Variants in TUBGCP5 observed in about 807,000 individuals in gnomAD.
TUBGCP5 encodes tubulin gamma complex component 5, also known as gamma-tubulin complex component 5.
TUBGCP5 carries 98 observed loss-of-function variants against 134.7 expected under a neutral mutation model. That is an observed-to-expected ratio of 0.73 (90% CI 0.62 to 0.86). The LOEUF (loss-of-function observed/expected upper bound fraction) is 0.86. TUBGCP5 is among the 40% of genes least tolerant of loss of function. The probability of loss-of-function intolerance (pLI) is 0.00; values close to 1 mark genes in which losing one functional copy is unlikely to be tolerated. For missense variants in TUBGCP5, 1,150 were observed against 1,244.8 expected, an observed-to-expected ratio of 0.92 and a Z score of 1.15; for synonymous variants, 456 against 431.4, an observed-to-expected ratio of 1.06 and a Z score of -0.71.
chr15:23,014,109 A>AG (rs761136403), intron 13 of TUBGCP5, among the ~76,000 whole-genome samples: 3 of 152,324 alleles, frequency 2.0e-5, no homozygotes, highest in Admixed American at 1.3e-4. Flanking sequence ...CCATCTCTAG[A>AG]GGGTGGGAAC....
intron 14 of TUBGCP5, 136 bp from the exon 15 acceptor site, chr15:23,010,269 C>T (rs1368096116): frequency 1.0e-6 from 1 of 994,602 alleles, no homozygotes; most frequent in Non-Finnish European, 1.5e-6. Flanking sequence ...AATCTTTCTC[C>T]CAAAAATATC....
At chr15:23,006,423 T>C in intron 16 of TUBGCP5, 71 bp from the exon 17 acceptor site, 6 of 1,056,372 alleles carry the variant, frequency 5.7e-6, no homozygotes, top group Non-Finnish European at 8.3e-6. Flanking sequence ...TTAAAATAAT[T>C]GGTATTTCAT....
chr15:23,006,201 A>C, intron 17 of TUBGCP5, 29 bp from the exon 18 acceptor site: 1 of 1,610,846 alleles, frequency 6.2e-7, no homozygotes, highest in South Asian at 1.1e-5. Flanking sequence ...ATTAGAAAGT[A>C]ACCAATTACT....
At chr15:23,024,438 A>C (rs2065881039) in intron 9 of TUBGCP5, 1 of 472,284 alleles carries the variant, frequency 2.1e-6, no homozygotes, top group Non-Finnish European at 3.6e-6. Context: ...ATGTACTTAA[A>C]GCAAAACAAA....
chr15:23,006,900 T>C (rs1321204925), intron 16 of TUBGCP5, among the ~76,000 whole-genome samples: 2 of 152,202 alleles, frequency 1.3e-5, no homozygotes, highest in African/African-American at 4.8e-5. Context: ...TGCCAGGCAC[T>C]ATTATGTGTC....
chr15:23,004,710 A>T (rs1212880349), intron 19 of TUBGCP5: 2 of 153,164 alleles, frequency 1.3e-5, no homozygotes, highest in Non-Finnish European at 2.9e-5. Flanking sequence ...TACTCTTAAC[A>T]ATTAGGGGCT....
chr15:22,996,715 T>G (rs767843775), downstream of TUBGCP5: 1 of 152,228 alleles, frequency 6.6e-6, no homozygotes, highest in Non-Finnish European at 1.5e-5. Context: ...CTCAAACTCC[T>G]GGCCTCAAGT....
At chr15:23,007,186 G>A (rs950185973) in intron 16 of TUBGCP5, among the ~76,000 whole-genome samples, 3 of 152,078 alleles carry the variant, frequency 2.0e-5, no homozygotes, top group Non-Finnish European at 4.4e-5. Context: ...CGAGGATCAC[G>A]AGGTCAGGAG....
chr15:22,987,895 C>CAAA (rs869168765), intron 23 of TUBGCP5, among the ~76,000 whole-genome samples: 1,275 of 20,474 alleles, frequency 0.062, 137 homozygotes, highest in Non-Finnish European at 0.094. Flanking sequence ...GACTCCATCT[C>CAAA]AAAAAAAAAA....
At chr15:22,994,617 T>C (rs150035729), downstream of TUBGCP5, among the ~76,000 whole-genome samples, 244 of 152,336 alleles carry the variant, frequency 1.6e-3, 1 homozygote, top group Middle Eastern at 6.8e-3. Context: ...TTGATGGTCA[T>C]GTGGACTGTT....
chr15:23,039,357 G>A (rs1276658346), intron 1 of TUBGCP5, 41 bp downstream of exon 1: 4 of 1,357,582 alleles, frequency 2.9e-6, no homozygotes, highest in South Asian at 1.8e-5. Flanking sequence ...CGCGGGCTCC[G>A]GGCTGTGGCC....
At chr15:23,038,967 G>C (rs946552348) in intron 1 of TUBGCP5, among the ~76,000 whole-genome samples, 1 of 151,968 alleles carries the variant, frequency 6.6e-6, no homozygotes, top group Non-Finnish European at 1.5e-5. Flanking sequence ...AGGAGAGCAG[G>C]GTGAGAGATC....
At position 23,039,534 on chromosome 15, in the gene TUBGCP5, GCCGCGCCATGTT is replaced by G. The variant is rs1377995907; in HGVS notation, c.-3_9del. The G allele has an allele frequency of 6.8e-7, 1 of 1,475,750 alleles. No individual in the cohort carries two copies. Among genetic ancestry groups the G allele is most frequent in the Admixed American group, 2.1e-5 (1 of 47,226 alleles). 91.4% of individuals were successfully genotyped at this position (1,475,750 alleles called of 1,614,324 possible). ...TCCAACCGACTCCACGGTGGCCCGT[GCCGCGCCATGTT>G]CCGCGCTCCTGCAGCGCGCGTCTAA... On this transcript the variant is annotated start_lost and 5_prime_UTR_variant, in exon 1 of 23. Transcript: ENST00000615383.
Position 23,027,176 on chromosome 15 carries a change from A to T in TUBGCP5, c.737+16T>A, listed in dbSNP as rs780356487. 6.3e-7 allele frequency: 1 copy of T among 1,581,056 alleles called. No homozygotes were observed. Among genetic ancestry groups the T allele is most frequent in the South Asian group, 1.1e-5 (1 of 87,136 alleles). ...TTCTTCTATCATCACATTAAATGAA[A>T]ACTTTAGCTTCTTACCAGACAGCAG... On this transcript the variant is annotated intron_variant, in intron 7 of 22. Transcript: ENST00000615383.
In TUBGCP5 at chr15:23,000,651, T is replaced by G; in HGVS notation, c.2946A>C (p.Lys982Asn). ...LGTWRMESIE[K>N]MESDFKNCHM... is the part of the protein sequence containing the mutation. Reference sequence around the variant, plus strand: ...GGCAGTTTTTAAAATCAGATTCCATTTTCTCTATAGATTCCATTCTAGGAA... The same window carrying G: ...GGCAGTTTTTAAAATCAGATTCCATGTTCTCTATAGATTCCATTCTAGGAA... Residue 982 changes from lysine (K) to asparagine (N), a missense_variant, in exon 22 of 23, where the codon AAA (lysine) becomes AAC (asparagine). Around this residue, in one of 2 missense-constraint regions of TUBGCP5, gnomAD observed 697 missense variants for 850.1 expected, o/e 0.82. Coordinates refer to ENST00000615383, the MANE Select transcript of TUBGCP5 (RefSeq NM_052903.6). 6.2e-7 allele frequency: 1 copy of G among 1,605,644 alleles called. No homozygotes were observed.
chr15:23,000,943 C>CT (rs1278969055), intron 21 of TUBGCP5, among the ~76,000 whole-genome samples: 1 of 152,116 alleles, frequency 6.6e-6, no homozygotes, highest in Admixed American at 6.5e-5. Flanking sequence ...CTCCCTTTTC[C>CT]TTTATACAGT....
intron 16 of TUBGCP5, among the ~76,000 whole-genome samples, chr15:23,007,979 A>T (rs1264912800): frequency 6.6e-6 from 1 of 152,064 alleles, no homozygotes; most frequent in Non-Finnish European, 1.5e-5. Context: ...AGGACTGAAA[A>T]ACCTCATGTG....
chr15:23,015,312 C>T (rs534187789), intron 13 of TUBGCP5, among the ~76,000 whole-genome samples: 2 of 151,616 alleles, frequency 1.3e-5, no homozygotes, highest in South Asian at 4.2e-4. Context: ...TCTCAAACTC[C>T]TGGCCTCAAG....
intron 8 of TUBGCP5, 97 bp from the exon 9 acceptor site, chr15:23,024,927 T>G: frequency 1.4e-6 from 1 of 703,484 alleles, no homozygotes; most frequent in Non-Finnish European, 2.5e-6. Context: ...TGACAGGGAC[T>G]CACTTTGTCA....
Sources: gnomAD v4.1 joint callset for allele counts (sites outside exome capture counted in the v4.1 genomes callset) on GRCh38, gnomAD v4.1.1 for gene constraint, gnomAD v4.1.1 regional missense constraint, MANE v1.5 for transcripts, NCBI Gene and HGNC (gene_info 2026-07-23, HGNC 2026-07-21) for gene names.